GPR160: variants seen among roughly 807,000 people sequenced by gnomAD.
GPR160 encodes the protein G protein-coupled receptor 160, also known as probable G protein-coupled receptor 160.
Under a neutral mutation model 2.6 loss-of-function variants are expected in GPR160, and 2 were observed. The observed-to-expected ratio is 0.77, with a 90% CI of 0.32 to 2.44. The LOEUF is 2.44. Ranked by LOEUF, GPR160 falls within the 30% of genes most tolerant of loss-of-function variation. GPR160 has a pLI of 0.11. For synonymous variants in GPR160, 130 were observed against 132.2 expected, an observed-to-expected ratio of 0.98 and a Z score of 0.12; for missense variants, 351 against 383.6, an observed-to-expected ratio of 0.91 and a Z score of 0.71.
At chr3:170,079,212 C>A (rs909034286) in intron 2 of GPR160, among the ~76,000 whole-genome samples, 1 of 152,212 alleles carries the variant, frequency 6.6e-6, no homozygotes, top group Non-Finnish European at 1.5e-5. Context: ...AGCCCCCTAG[C>A]TGCTGTTACA....
At position 170,084,666 on chromosome 3, in the gene GPR160, T is replaced by C; in HGVS notation, c.694T>C (p.Tyr232His). ...TTTTCCTTTTTCATCCCACTCCAGTTATACTGTGAGATCTAAAAAAATATT... is the reference window on the plus strand; with the variant it reads ...TTTTCCTTTTTCATCCCACTCCAGTCATACTGTGAGATCTAAAAAAATATT... ...LYFPFSSHSS[Y>H]TVRSKKIFLS... Residue 232 changes from tyrosine to histidine, a missense_variant, in exon 4 of 4, where the codon TAT (tyrosine) becomes CAT (histidine). Tyr to His is a moderately conservative substitution (Grantham distance 83, BLOSUM62 2). Transcript: ENST00000355897. 6.2e-7 allele frequency: 1 copy of C among 1,611,000 alleles called. No homozygotes were observed. The highest frequency in any genetic ancestry group is 2.2e-5 in the East Asian group (1 of 44,840).
intron 3 of GPR160, among the ~76,000 whole-genome samples, chr3:170,080,870 T>C (rs1254298571): frequency 6.6e-6 from 1 of 152,088 alleles, no homozygotes; most frequent in Non-Finnish European, 1.5e-5. Context: ...CCGAGTAATT[T>C]TTGTATTTTT....
chr3:170,051,427 C>T (rs1297821311), intron 2 of GPR160, among the ~76,000 whole-genome samples: 3 of 152,222 alleles, frequency 2.0e-5, no homozygotes, highest in East Asian at 1.9e-4. Context: ...AATTCTTTAT[C>T]AAATATATGG....
chr3:170,047,626 A>G (rs749291558), intron 2 of GPR160, among the ~76,000 whole-genome samples: 1 of 152,162 alleles, frequency 6.6e-6, no homozygotes, highest in Non-Finnish European at 1.5e-5. Flanking sequence ...ACAATTCACA[A>G]TTGCAAAGAT....
chr3:170,054,516 C>T (rs1711535179), intron 2 of GPR160, among the ~76,000 whole-genome samples: 1 of 152,142 alleles, frequency 6.6e-6, no homozygotes, highest in Admixed American at 6.5e-5. Context: ...AGGTCAATGG[C>T]ACTAAGTACA....
At chr3:170,048,785 C>T (rs923991752) in intron 2 of GPR160, among the ~76,000 whole-genome samples, 2 of 152,196 alleles carry the variant, frequency 1.3e-5, no homozygotes, top group Admixed American at 6.5e-5. Context: ...GGTTCTCCCC[C>T]TCCAGGACAA....
rs114079256 is a variant in GPR160 at position 170,081,883 on chromosome 3, T to C, written c.-69+1986T>C. 5.8e-3 allele frequency among the ~76,000 whole-genome samples: 883 copies of C among 152,332 alleles called. 9 individuals carry two copies. The highest frequency in any genetic ancestry group is 0.02 in the African/African-American group (835 of 41,574). The stretch of plus-strand genomic sequence containing the variant: ...GGATGATGGACTCCAACTCCATCCA[T>C]GTTCCTGTGAAAGACATGATCTCTT... On this transcript the variant is annotated intron_variant, in intron 3 of 3. Coordinates refer to ENST00000355897, the MANE Select transcript of GPR160 (RefSeq NM_014373.3).
intron 2 of GPR160, among the ~76,000 whole-genome samples, chr3:170,073,827 CTA>C (rs1359536354): frequency 2.7e-5 from 4 of 150,280 alleles, no homozygotes; most frequent in African/African-American, 9.8e-5. Context: ...ACATCTGAGC[CTA>C]TATTTTCTTT....
chr3:170,049,055 C>CTACCCAGT (rs1185365342), intron 2 of GPR160, among the ~76,000 whole-genome samples: 2 of 152,138 alleles, frequency 1.3e-5, no homozygotes, highest in Non-Finnish European at 2.9e-5. Flanking sequence ...TGGGATGTAC[C>CTACCCAGT]ACTGTGTCTA....
rs1576881832 is a variant in GPR160, at chr3:170,038,660, G to A, written c.-321-255G>A. 2.0e-5 allele frequency: 3 copies of A among 151,898 alleles called. No individual in the cohort carries two copies. The highest frequency in any genetic ancestry group is 4.2e-4 in the South Asian group (2 of 4,812). 9.4% of individuals were successfully genotyped at this position (151,898 alleles called of 1,614,324 possible). A position where few individuals can be genotyped will look rare whatever the true frequency, so the allele number is the denominator to read the frequency against. ...TGAATAGTCTCACACACACGCGCGCGCGCGCGCGTGCGTGCATTCATTGGG... is the reference window on the plus strand; with the variant it reads ...TGAATAGTCTCACACACACGCGCGCACGCGCGCGTGCGTGCATTCATTGGG... On this transcript the variant is annotated intron_variant, in intron 1 of 3. Coordinates refer to ENST00000355897, the MANE Select transcript of GPR160 (RefSeq NM_014373.3). The surrounding 1 kb of genome is among the most constrained non-coding windows in gnomAD (Gnocchi z 5.3).
intron 2 of GPR160, among the ~76,000 whole-genome samples, chr3:170,066,122 T>A (rs181411519): frequency 8.2e-6 from 1 of 121,982 alleles, no homozygotes; most frequent in Non-Finnish European, 1.8e-5. Flanking sequence ...ACTATTCTTT[T>A]TCTTTTTCTT....
At chr3:170,066,167 G>A (rs1359181114) in intron 2 of GPR160, among the ~76,000 whole-genome samples, 3 of 94,388 alleles carry the variant, frequency 3.2e-5, no homozygotes, top group South Asian at 6.9e-4. Flanking sequence ...TTGTGACAGA[G>A]CCTCGCTCTG....
At chr3:170,078,658 C>T (rs1712982688) in intron 2 of GPR160, among the ~76,000 whole-genome samples, 1 of 152,172 alleles carries the variant, frequency 6.6e-6, no homozygotes. Context: ...ACTAAAACAA[C>T]TTTAGAGGCA....
intron 2 of GPR160, among the ~76,000 whole-genome samples, chr3:170,041,945 C>T (rs1187973210): frequency 6.6e-6 from 1 of 152,142 alleles, no homozygotes; most frequent in Admixed American, 6.5e-5. Context: ...TGCTAATAGC[C>T]ATTTTAAGGA....
Position 170,044,324 on chromosome 3 carries a change from C to CA in GPR160, c.-193+5296dup, listed in dbSNP as rs57817027. 1.9e-3 allele frequency among the ~76,000 whole-genome samples: 171 copies of CA among 89,236 alleles called. 8 individuals carry two copies. The highest frequency in any genetic ancestry group is 2.9e-3 in the Non-Finnish European group (144 of 48,900). The allele number at this position is 89,236 out of a possible 152,430, so 58.5% of individuals were successfully genotyped here. A position where few individuals can be genotyped will look rare whatever the true frequency, so the allele number is the denominator to read the frequency against. On this transcript the variant is annotated intron_variant, in intron 2 of 3. Coordinates refer to ENST00000355897, the MANE Select transcript of GPR160 (RefSeq NM_014373.3). ...GGGGAAGAAGAGCGAAACTCCATCT[C>CA]AAAAAAAAAAAAAAAGAGAAGAGAA... is the stretch of plus-strand genomic sequence containing the variant.
intron 2 of GPR160, among the ~76,000 whole-genome samples, chr3:170,058,554 A>T (rs1711764802): frequency 6.6e-6 from 1 of 152,238 alleles, no homozygotes; most frequent in South Asian, 2.1e-4. Context: ...AACACAAGAG[A>T]GTATTATCTT....
intron 2 of GPR160, among the ~76,000 whole-genome samples, 196 bp downstream of exon 2, chr3:170,039,239 T>G (rs1716340070): frequency 6.6e-6 from 1 of 152,198 alleles, no homozygotes; most frequent in African/African-American, 2.4e-5. Flanking sequence ...ACTTGTGATA[T>G]CTCCAGAATA....
chr3:170,048,918 A>G (rs1401164660), intron 2 of GPR160, among the ~76,000 whole-genome samples: 4 of 152,150 alleles, frequency 2.6e-5, no homozygotes, highest in African/African-American at 9.7e-5. Flanking sequence ...TCTGTCTTTT[A>G]ACAAGATCTA....
At chr3:170,079,579 T>C (rs1713029421) in intron 2 of GPR160, among the ~76,000 whole-genome samples, 195 bp from the exon 3 acceptor site, 1 of 152,216 alleles carries the variant, frequency 6.6e-6, no homozygotes, top group Non-Finnish European at 1.5e-5. Context: ...CCATCTTTGG[T>C]GTGCTTTCAA....
Sources: allele counts gnomAD v4.1 joint callset (sites outside exome capture counted in the v4.1 genomes callset), GRCh38; gene constraint gnomAD v4.1.1; non-coding constraint Gnocchi (gnomAD v3.1); transcripts MANE v1.5; gene names NCBI Gene and HGNC (gene_info 2026-07-23, HGNC 2026-07-21).